Variants in FGD3 observed in about 807,000 individuals in gnomAD.
FGD3 encodes FYVE, RhoGEF and PH domain containing 3.
Under a neutral mutation model 71.8 loss-of-function variants are expected in FGD3, and 45 were observed. That is an observed-to-expected ratio of 0.63 (90% CI 0.49 to 0.80). The LOEUF (loss-of-function observed/expected upper bound fraction) is 0.80. Ranked by LOEUF, FGD3 falls within the 30% of genes least tolerant of loss-of-function variation. The pLI, the probability that FGD3 is intolerant of heterozygous loss-of-function variation, is 0.00. For synonymous variants in FGD3, 378 were observed against 392.8 expected (o/e 0.96, Z 0.44); for missense variants, 844 against 951.5 (o/e 0.89, Z 1.49).
intron 1 of FGD3, among the ~76,000 whole-genome samples, chr9:92,957,755 C>T (rs920350737): frequency 1.0e-4 from 15 of 146,778 alleles, no homozygotes; most frequent in Non-Finnish European, 2.2e-4. Flanking sequence ...GATCTCTGCT[C>T]ACTGCAGCCT....
intron 3 of FGD3, among the ~76,000 whole-genome samples, chr9:92,999,386 C>T (rs182486507): frequency 0.028 from 4,194 of 152,168 alleles, 204 homozygotes; most frequent in African/African-American, 0.095. Flanking sequence ...CTTCCCTTTG[C>T]TAGGAAAGGG....
intron 14 of FGD3, 149 bp downstream of exon 14, chr9:93,022,538 T>A: frequency 1.4e-6 from 1 of 736,910 alleles, no homozygotes; most frequent in Non-Finnish European, 2.2e-6. Flanking sequence ...CTGCTCACTG[T>A]GACTGGGGGC....
intron 14 of FGD3, among the ~76,000 whole-genome samples, chr9:93,027,715 C>A (rs891580135): frequency 9.8e-6 from 1 of 102,016 alleles, no homozygotes; most frequent in Non-Finnish European, 1.8e-5. Context: ...TTCTTTCTTT[C>A]TTTTTTTTTT....
chr9:92,987,345 T>C (rs1860225577), intron 3 of FGD3, among the ~76,000 whole-genome samples: 1 of 148,862 alleles, frequency 6.7e-6, no homozygotes, highest in African/African-American at 2.5e-5. Context: ...GGCAGAAGAA[T>C]GGTGTGAACC....
chr9:93,035,297 G>T (rs1364891072), intron 17 of FGD3, 41 bp from the exon 18 acceptor site: 1 of 1,587,204 alleles, frequency 6.3e-7, no homozygotes, highest in Non-Finnish European at 8.6e-7. Context: ...CCCGAGGCCG[G>T]GAAGCTGTGG....
intron 1 of FGD3, among the ~76,000 whole-genome samples, chr9:92,950,260 A>T (rs1858930069): frequency 6.6e-6 from 1 of 152,034 alleles, no homozygotes; most frequent in Non-Finnish European, 1.5e-5. Context: ...TACTAAAAAT[A>T]CAAAAAATTA....
chr9:93,024,971 C>A (rs780297520), intron 14 of FGD3, among the ~76,000 whole-genome samples: 1 of 152,238 alleles, frequency 6.6e-6, no homozygotes, highest in Admixed American at 6.5e-5. Flanking sequence ...ATCAGAGAAG[C>A]TGTCAGGCGC....
chr9:92,995,510 C>T (rs796966275), intron 3 of FGD3, among the ~76,000 whole-genome samples: 3 of 152,058 alleles, frequency 2.0e-5, no homozygotes, highest in East Asian at 1.9e-4. Context: ...TCCAACACTA[C>T]GTTGAATAGG....
chr9:93,020,544 G>C (rs1209814376), intron 13 of FGD3, 120 bp downstream of exon 13: 1 of 755,076 alleles, frequency 1.3e-6, no homozygotes, highest in Admixed American at 2.3e-5. Flanking sequence ...GCTACACCAG[G>C]GACCAGGACA....
intron 1 of FGD3, among the ~76,000 whole-genome samples, chr9:92,966,821 G>A (rs1272666022): frequency 6.6e-6 from 1 of 152,262 alleles, no homozygotes; most frequent in Non-Finnish European, 1.5e-5. Flanking sequence ...ACAGGGCCTT[G>A]CCCTTCGCAC....
At chr9:92,984,811 CTTT>C (rs375226068) in intron 3 of FGD3, among the ~76,000 whole-genome samples, 1 of 139,266 alleles carries the variant, frequency 7.2e-6, no homozygotes. Flanking sequence ...TCTTTTTTTT[CTTT>C]TTTTTTTTTT....
At chr9:92,954,370 T>C (rs1280300986) in intron 1 of FGD3, among the ~76,000 whole-genome samples, 2 of 152,190 alleles carry the variant, frequency 1.3e-5, no homozygotes, top group East Asian at 1.9e-4. Context: ...TAACTCAACA[T>C]GGGCACTTTG....
intron 6 of FGD3, among the ~76,000 whole-genome samples, chr9:93,007,218 G>A (rs936077691): frequency 6.6e-6 from 1 of 151,702 alleles, no homozygotes; most frequent in Non-Finnish European, 1.5e-5. Flanking sequence ...AGCCTCCTGA[G>A]TAGCTGGGAC....
chr9:92,988,609 A>G (rs1222371859), intron 3 of FGD3, among the ~76,000 whole-genome samples: 1 of 152,218 alleles, frequency 6.6e-6, no homozygotes, highest in Non-Finnish European at 1.5e-5. Flanking sequence ...TAAGATTTCT[A>G]TCTTATTACT....
chr9:93,020,953 G>A (rs183847896), intron 13 of FGD3, among the ~76,000 whole-genome samples: 84 of 152,318 alleles, frequency 5.5e-4, no homozygotes, highest in African/African-American at 1.8e-3. Context: ...TGGAGGAAGC[G>A]CTCCTTCATG....
At chr9:92,958,372 A>G (rs1564140019) in intron 1 of FGD3, among the ~76,000 whole-genome samples, 2 of 152,288 alleles carry the variant, frequency 1.3e-5, no homozygotes, top group East Asian at 3.9e-4. Flanking sequence ...GATTTCCCAT[A>G]TATTCCCTGA....
At chr9:92,960,753 G>A (rs1212125013) in intron 1 of FGD3, among the ~76,000 whole-genome samples, 1 of 152,140 alleles carries the variant, frequency 6.6e-6, no homozygotes, top group Admixed American at 6.5e-5. Flanking sequence ...CATCCACCAG[G>A]GAAGAGCCCC....
In FGD3 at chr9:93,035,981, C is replaced by T. The variant is rs1004052060; in HGVS notation, c.*392C>T. ...TCCACCCCGCCTCTGCCCAGCCTGT[C>T]TACACCGTGTGAGCTGAATCGTGAC... is the stretch of plus-strand genomic sequence containing the variant. On this transcript the variant is annotated 3_prime_UTR_variant, in exon 18 of 18. Coordinates refer to ENST00000375482, the MANE Select transcript of FGD3 (RefSeq NM_001083536.2). 1.0e-5 allele frequency: 2 copies of T among 196,884 alleles called. No homozygotes were observed. The highest frequency in any genetic ancestry group is 4.7e-5 in the African/African-American group (2 of 42,944). 12.2% of individuals were successfully genotyped at this position (196,884 alleles called of 1,614,324 possible).
chr9:93,023,782 C>T (rs1235886173), intron 14 of FGD3, among the ~76,000 whole-genome samples: 3 of 149,016 alleles, frequency 2.0e-5, no homozygotes, highest in African/African-American at 7.5e-5. Flanking sequence ...GACAGGAACC[C>T]GCCCATCAGC....
Sources: allele counts gnomAD v4.1 joint callset (sites outside exome capture counted in the v4.1 genomes callset), GRCh38; gene constraint gnomAD v4.1.1; transcripts MANE v1.5; gene names NCBI Gene and HGNC (gene_info 2026-07-23, HGNC 2026-07-21).